Variants in GABRB3 observed in about 807,000 individuals in gnomAD.
GABRB3 encodes the protein gamma-aminobutyric acid receptor subunit beta-3.
GABRB3 carries 14 observed loss-of-function variants against 52.1 expected under a neutral mutation model. That is an observed-to-expected ratio of 0.27 (90% confidence interval 0.18 to 0.42). The LOEUF (loss-of-function observed/expected upper bound fraction) is 0.42. GABRB3 is among the 10% of genes least tolerant of loss of function. The pLI is 1.00. For missense variants in GABRB3, 307 were observed against 609.1 expected, an observed-to-expected ratio of 0.50 and a Z score of 5.22; for synonymous variants, 260 against 232.3, an observed-to-expected ratio of 1.12 and a Z score of -1.08.
chr15:26,760,809 G>GCACGCACACACACA (rs1555383021), intron 3 of GABRB3, among the ~76,000 whole-genome samples: 2 of 149,398 alleles, frequency 1.3e-5, no homozygotes, highest in East Asian at 4.0e-4. Flanking sequence ...ACACGCGCAC[G>GCACGCACACACACA]CACACACACA....
chr15:26,701,149 T>C lies in GABRB3; in HGVS notation c.240+71253A>G, dbSNP rs112025218. Among the ~76,000 whole-genome samples, 1,422 of 152,220 alleles carry C rather than the reference T, an allele frequency of 9.3e-3. 32 individuals are homozygous for C. The highest frequency in any genetic ancestry group is 0.033 in the African/African-American group (1,376 of 41,544). On this transcript the variant is annotated intron_variant, in intron 3 of 8. Coordinates refer to ENST00000311550, the MANE Select transcript of GABRB3 (RefSeq NM_000814.6). ...ATCTGTGAAACAACTATTACAAACA[T>C]ACTTAACAGTAAAAAGACTGACTGC...
At chr15:26,617,261 C>T (rs1471781441) in intron 4 of GABRB3, among the ~76,000 whole-genome samples, 2 of 152,024 alleles carry the variant, frequency 1.3e-5, no homozygotes, top group African/African-American at 2.4e-5. Flanking sequence ...TACCAGGATC[C>T]GAATCCAGCA....
chr15:26,624,973 G>C lies in GABRB3; in HGVS notation c.241-3439C>G, dbSNP rs547936128. The C allele has an allele frequency of 8.1e-6, 8 of 985,384 alleles. No individual in the cohort carries two copies. In the East Asian group the frequency reaches 7.9e-4, roughly 98 times the overall value. The allele number at this position is 985,384 out of a possible 1,614,324, so 61.0% of individuals were successfully genotyped here. The stretch of plus-strand genomic sequence containing the variant: ...CAAACTCCACGCCCTGTGCTACCTA[G>C]AACCTCATTTAACTAGGAGGCAGGT... On this transcript the variant is annotated intron_variant, in intron 3 of 8. Coordinates refer to ENST00000311550, the MANE Select transcript of GABRB3 (RefSeq NM_000814.6).
intron 3 of GABRB3, chr15:26,624,649 G>A (rs1892617221): frequency 2.0e-6 from 2 of 985,484 alleles, no homozygotes; most frequent in Non-Finnish European, 2.4e-6. Context: ...AACAGCAAGA[G>A]GGAAAAAACA....
intron 3 of GABRB3, among the ~76,000 whole-genome samples, chr15:26,691,102 T>C (rs1888573836): frequency 6.6e-6 from 1 of 151,888 alleles, no homozygotes; most frequent in South Asian, 2.1e-4. Flanking sequence ...TAGCACAGGT[T>C]GGACAGCAAA....
chr15:26,659,542 A>G (rs1343045495), intron 3 of GABRB3, among the ~76,000 whole-genome samples: 1 of 152,146 alleles, frequency 6.6e-6, no homozygotes, highest in Non-Finnish European at 1.5e-5. Flanking sequence ...ATAAATAAGT[A>G]AATAAATAAA....
At position 26,646,051 on chromosome 15, in the gene GABRB3, C is replaced by T. The variant is rs981166767; in HGVS notation, c.241-24517G>A. 5.9e-4 allele frequency among the ~76,000 whole-genome samples: 90 copies of T among 151,876 alleles called. 3 individuals are homozygous for T. Among genetic ancestry groups the T allele is most frequent in the Non-Finnish European group, 5.9e-5 (4 of 67,980 alleles). On this transcript the variant is annotated intron_variant, in intron 3 of 8. Transcript: ENST00000311550. The stretch of plus-strand genomic sequence containing the variant: ...AATAATGGGACCTATTTTTTAACAA[C>T]TTTAATGAGGTATAATTTACACACC...
At chr15:26,769,266 C>T (rs1891079211) in intron 3 of GABRB3, among the ~76,000 whole-genome samples, 1 of 152,158 alleles carries the variant, frequency 6.6e-6, no homozygotes, top group South Asian at 2.1e-4. Flanking sequence ...TCACTACATA[C>T]ACGTTTTCAA....
At chr15:26,742,499 C>A (rs1211241597) in intron 3 of GABRB3, among the ~76,000 whole-genome samples, 1 of 152,118 alleles carries the variant, frequency 6.6e-6, no homozygotes, top group Non-Finnish European at 1.5e-5. Flanking sequence ...TTTGCTCCAT[C>A]AGATATTTCA....
intron 3 of GABRB3, among the ~76,000 whole-genome samples, chr15:26,756,549 G>A (rs1470828026): frequency 6.6e-6 from 1 of 152,140 alleles, no homozygotes. Flanking sequence ...CTGCACTCCA[G>A]TCTGGGCGAC....
At chr15:26,557,440 A>G (rs1206393135) in intron 8 of GABRB3, among the ~76,000 whole-genome samples, 1 of 152,238 alleles carries the variant, frequency 6.6e-6, no homozygotes, top group Admixed American at 6.5e-5. Context: ...TAGTTAAAAA[A>G]AGAAACTGTA....
intron 3 of GABRB3, among the ~76,000 whole-genome samples, chr15:26,696,791 A>C (rs948949949): frequency 2.0e-5 from 3 of 152,176 alleles, no homozygotes; most frequent in African/African-American, 7.2e-5. Flanking sequence ...GAGTACCTGA[A>C]CACCAATGCG....
At chr15:26,684,605 C>T (rs1038427276) in intron 3 of GABRB3, among the ~76,000 whole-genome samples, 1 of 152,142 alleles carries the variant, frequency 6.6e-6, no homozygotes, top group Non-Finnish European at 1.5e-5. Context: ...ACGTGCAACT[C>T]CTCCTTGCAC....
At chr15:26,692,414 C>T (rs1888615415) in intron 3 of GABRB3, among the ~76,000 whole-genome samples, 1 of 152,094 alleles carries the variant, frequency 6.6e-6, no homozygotes, top group Non-Finnish European at 1.5e-5. Flanking sequence ...GTTTGAACAT[C>T]ACAAAGATCT....
chr15:26,772,843 G>T (rs781116888), intron 1 of GABRB3, 40 bp downstream of exon 1: 209 of 1,456,916 alleles, frequency 1.4e-4, no homozygotes, highest in Admixed American at 1.2e-4. Flanking sequence ...CGCGCACCCC[G>T]CGCCCTGCCC....
intron 3 of GABRB3, among the ~76,000 whole-genome samples, chr15:26,761,269 C>T (rs1433743243): frequency 6.6e-6 from 1 of 151,998 alleles, no homozygotes; most frequent in Non-Finnish European, 1.5e-5. Context: ...GTGACATGCG[C>T]CTGTAGACCC....
chr15:26,571,611 T>C lies in GABRB3; in HGVS notation c.683-3878A>G, dbSNP rs111500727. Among the ~76,000 whole-genome samples the C allele has an allele frequency of 6.7e-3, 1,027 of 152,292 alleles. 9 individuals are homozygous for C. Among genetic ancestry groups the C allele is most frequent in the Middle Eastern group, 0.014 (4 of 294 alleles). On this transcript the variant is annotated intron_variant, in intron 6 of 8. Coordinates refer to ENST00000311550, the MANE Select transcript of GABRB3 (RefSeq NM_000814.6). ...AGAAACCACTATTGACTGCCATGAC[T>C]GTACAGTCAAACAAACACTTGGACG...
chr15:26,619,704 C>A (rs1461760697), intron 4 of GABRB3, among the ~76,000 whole-genome samples: 1 of 151,772 alleles, frequency 6.6e-6, no homozygotes, highest in Admixed American at 6.6e-5. Context: ...ATAAAGAATG[C>A]AAAAATAAAA....
chr15:26,689,394 C>T (rs138579237), intron 3 of GABRB3, among the ~76,000 whole-genome samples: 35 of 152,250 alleles, frequency 2.3e-4, no homozygotes, highest in African/African-American at 7.9e-4. Context: ...CTTGACTACC[C>T]ACCACAGGCT....
Sources: gnomAD v4.1 joint callset for allele counts (sites outside exome capture counted in the v4.1 genomes callset) on GRCh38, gnomAD v4.1.1 for gene constraint, MANE v1.5 for transcripts, NCBI Gene and HGNC (gene_info 2026-07-23, HGNC 2026-07-21) for gene names.